The following ADAMTSL1 variants were observed in gnomAD, a reference collection of about 807,000 sequenced individuals.
ADAMTSL1 encodes ADAMTS like 1.
ADAMTSL1 carries 126 observed loss-of-function variants against 201.8 expected under a neutral mutation model. The ratio of observed to expected loss-of-function variants is 0.62; its 90% CI spans 0.54 to 0.72. ADAMTSL1 has a LOEUF of 0.72. Among genes scored for constraint, ADAMTSL1 ranks in the 30% least tolerant of loss-of-function variants. The pLI, the probability that ADAMTSL1 is intolerant of heterozygous loss-of-function variation, is 0.00. For missense variants in ADAMTSL1, 2,679 were observed against 2,277.8 expected (o/e 1.18, Z -3.59); for synonymous variants, 1,121 against 903.4 (o/e 1.24, Z -4.32).
At chr9:18,121,796 G>A (rs1211417318) in intron 1 of ADAMTSL1, among the ~76,000 whole-genome samples, 1 of 152,114 alleles carries the variant, frequency 6.6e-6, no homozygotes, top group Non-Finnish European at 1.5e-5. Flanking sequence ...AAATTGTGGT[G>A]AGTTTCCTGG....
At chr9:18,236,785 A>C (rs1249561869) in intron 2 of ADAMTSL1, among the ~76,000 whole-genome samples, 4 of 152,232 alleles carry the variant, frequency 2.6e-5, no homozygotes, top group African/African-American at 9.6e-5. Context: ...TGGAAAATGC[A>C]AATGCAGTGC....
At chr9:18,649,982 C>T in intron 7 of ADAMTSL1, among the ~76,000 whole-genome samples, 1 of 152,184 alleles carries the variant, frequency 6.6e-6, no homozygotes. Flanking sequence ...TGTCTGTGCC[C>T]TGCCATCAGA....
chr9:18,021,153 G>C (rs1328527386), intron 1 of ADAMTSL1, among the ~76,000 whole-genome samples: 1 of 152,156 alleles, frequency 6.6e-6, no homozygotes, highest in East Asian at 1.9e-4. Flanking sequence ...ACTATAGTTT[G>C]AGAAGCACTT....
intron 2 of ADAMTSL1, among the ~76,000 whole-genome samples, chr9:18,183,287 A>G (rs1244384023): frequency 6.6e-6 from 1 of 152,242 alleles, no homozygotes; most frequent in Non-Finnish European, 1.5e-5. Context: ...TTAGAAGATA[A>G]CATGGGAGAA....
intron 1 of ADAMTSL1, among the ~76,000 whole-genome samples, chr9:17,912,910 C>T (rs1825944052): frequency 6.6e-6 from 1 of 152,028 alleles, no homozygotes; most frequent in Non-Finnish European, 1.5e-5. Context: ...ATATGGCTAG[C>T]CAGTTTTCCC....
chr9:18,130,387 C>T (rs1306947819), intron 1 of ADAMTSL1, among the ~76,000 whole-genome samples: 1 of 152,172 alleles, frequency 6.6e-6, no homozygotes, highest in East Asian at 1.9e-4. Context: ...TGACTACATT[C>T]TCATTTCCCA....
In ADAMTSL1 at chr9:18,606,879, G is replaced by A. The variant is rs148105354; in HGVS notation, c.475-15364G>A. 5.3e-5 allele frequency among the ~76,000 whole-genome samples: 8 copies of A among 152,204 alleles called. No homozygotes were observed. In the East Asian group the frequency reaches 1.5e-3, roughly 29 times the overall value. On this transcript the variant is annotated intron_variant, in intron 4 of 28. Transcript: ENST00000380548. The stretch of plus-strand genomic sequence containing the variant: ...TAATTTCCCACTCTTCAGAATAATT[G>A]TGGCTCACAGTATTTATTTTCTCCC...
chr9:18,725,443 G>A (rs1817821870), intron 15 of ADAMTSL1, among the ~76,000 whole-genome samples: 1 of 152,162 alleles, frequency 6.6e-6, no homozygotes, highest in Non-Finnish European at 1.5e-5. Flanking sequence ...ATTTTTGCTT[G>A]TGAGCTGCCA....
At chr9:18,695,857 C>T (rs1213920947) in intron 13 of ADAMTSL1, among the ~76,000 whole-genome samples, 1 of 152,188 alleles carries the variant, frequency 6.6e-6, no homozygotes, top group Non-Finnish European at 1.5e-5. Flanking sequence ...TAAAGGACTA[C>T]CAGTACTGGG....
chr9:18,648,793 C>T (rs548566614), intron 7 of ADAMTSL1, among the ~76,000 whole-genome samples: 8 of 151,918 alleles, frequency 5.3e-5, no homozygotes, highest in South Asian at 2.1e-4. Context: ...GTGGGTAACC[C>T]GACCTTTCTC....
At chr9:18,299,026 ATAAT>A (rs1833593106) in intron 2 of ADAMTSL1, among the ~76,000 whole-genome samples, 1 of 148,386 alleles carries the variant, frequency 6.7e-6, no homozygotes, top group African/African-American at 2.5e-5. Context: ...AAAAAAAATA[ATAAT>A]AATAATAATA....
In ADAMTSL1 at chr9:18,206,751, C is replaced by T. The variant is rs938144742; in HGVS notation, c.207+42770C>T. 3.9e-5 allele frequency among the ~76,000 whole-genome samples: 6 copies of T among 152,236 alleles called. No homozygotes were observed. The South Asian group carries it at 6.2e-4, about 16-fold the overall frequency. ...ACAGAAGTCATAATTACTTATTTTG[C>T]GTTCCTGACTTTTTCTTAGCTAGTA... On this transcript the variant is annotated intron_variant, in intron 2 of 29. Coordinates refer to the ADAMTSL1 transcript ENST00000680146.
intron 2 of ADAMTSL1, among the ~76,000 whole-genome samples, chr9:18,312,837 G>A (rs2132802530): frequency 6.6e-6 from 1 of 152,278 alleles, no homozygotes. Context: ...AGACTCTAGT[G>A]GAAAGAGTGT....
chr9:18,697,319 C>T (rs1831620132), intron 13 of ADAMTSL1, among the ~76,000 whole-genome samples: 1 of 152,130 alleles, frequency 6.6e-6, no homozygotes, highest in Non-Finnish European at 1.5e-5. Context: ...CAGAAAAATA[C>T]ATATATTATT....
intron 1 of ADAMTSL1, among the ~76,000 whole-genome samples, chr9:18,009,756 G>C (rs993122050): frequency 6.6e-5 from 10 of 151,984 alleles, no homozygotes; most frequent in African/African-American, 2.2e-4. Flanking sequence ...GTAAGATCAA[G>C]TTTAAATTCA....
intron 2 of ADAMTSL1, among the ~76,000 whole-genome samples, chr9:18,521,943 A>G (rs1463631062): frequency 6.6e-6 from 1 of 152,196 alleles, no homozygotes; most frequent in Non-Finnish European, 1.5e-5. Flanking sequence ...ACCATCTCTT[A>G]TGCACAGACT....
intron 15 of ADAMTSL1, among the ~76,000 whole-genome samples, chr9:18,729,825 C>A (rs1179670844): frequency 6.6e-6 from 1 of 152,146 alleles, no homozygotes; most frequent in Non-Finnish European, 1.5e-5. Context: ...TATCTTAAGC[C>A]TCCTGAGTTC....
intron 2 of ADAMTSL1, among the ~76,000 whole-genome samples, chr9:18,194,751 C>G (rs1204866539): frequency 6.6e-6 from 1 of 152,104 alleles, no homozygotes; most frequent in African/African-American, 2.4e-5. Flanking sequence ...CAGTGCTCCC[C>G]TGTCCTGCTT....
intron 2 of ADAMTSL1, among the ~76,000 whole-genome samples, chr9:18,181,503 A>G (rs993398776): frequency 8.6e-5 from 13 of 151,696 alleles, no homozygotes; most frequent in Non-Finnish European, 1.6e-4. Flanking sequence ...TCTCAAAAGA[A>G]GACATTTATG....
Sources: allele counts gnomAD v4.1 joint callset (sites outside exome capture counted in the v4.1 genomes callset), GRCh38; gene constraint gnomAD v4.1.1; transcripts MANE v1.5; gene names NCBI Gene and HGNC (gene_info 2026-07-23, HGNC 2026-07-21).